Variants in VAV3 observed in about 807,000 individuals in gnomAD.
VAV3 encodes vav guanine nucleotide exchange factor 3.
VAV3 carries 94 observed loss-of-function variants against 131.2 expected under a neutral mutation model. That is an observed-to-expected ratio of 0.72 (90% CI 0.61 to 0.85). VAV3 has a LOEUF of 0.85. VAV3 is among the 40% of genes least tolerant of loss of function. VAV3 has a pLI of 0.00. For synonymous variants in VAV3, 349 were observed against 342.0 expected, an observed-to-expected ratio of 1.02 and a Z score of -0.22; for missense variants, 939 against 1,002.7, an observed-to-expected ratio of 0.94 and a Z score of 0.86.
At chr1:107,826,053 C>T (rs577075713) in intron 2 of VAV3, among the ~76,000 whole-genome samples, 7 of 152,066 alleles carry the variant, frequency 4.6e-5, no homozygotes, top group African/African-American at 7.2e-5. Flanking sequence ...TAATGAAATG[C>T]GGAATCAACA....
At chr1:107,697,354 A>C (rs1004308722) in intron 17 of VAV3, among the ~76,000 whole-genome samples, 4 of 152,216 alleles carry the variant, frequency 2.6e-5, no homozygotes, top group Non-Finnish European at 5.9e-5. Flanking sequence ...CAAAATCTTG[A>C]GCAGGAAAGA....
At chr1:107,889,450 A>T (rs1334540316) in intron 1 of VAV3, among the ~76,000 whole-genome samples, 4 of 152,096 alleles carry the variant, frequency 2.6e-5, no homozygotes, top group Non-Finnish European at 5.9e-5. Flanking sequence ...TTTTTAAAGA[A>T]AGGGACACTA....
Position 107,571,519 on chromosome 1 carries a change from G to A in VAV3, c.*1812C>T, listed in dbSNP as rs181718082. On this transcript the variant is annotated 3_prime_UTR_variant, in exon 27 of 27. Coordinates refer to ENST00000370056, the MANE Select transcript of VAV3 (RefSeq NM_006113.5). The stretch of plus-strand genomic sequence containing the variant: ...ACATGCTACAATACCATCCACAGGA[G>A]TGTTTCTGCTTGTGTGAGGCTGCTC... 2 of 152,610 alleles carry A rather than the reference G, an allele frequency of 1.3e-5. No individual in the cohort carries two copies. The highest frequency in any genetic ancestry group is 2.9e-5 in the Non-Finnish European group (2 of 68,032). The allele number at this position is 152,610 out of a possible 1,614,324, so 9.5% of individuals were successfully genotyped here.
At chr1:107,639,728 G>A (rs1655194564) in intron 20 of VAV3, among the ~76,000 whole-genome samples, 1 of 152,108 alleles carries the variant, frequency 6.6e-6, no homozygotes, top group Non-Finnish European at 1.5e-5. Context: ...AGGGATGCTT[G>A]AGGCCAGGAG....
chr1:107,645,199 T>C lies in VAV3; in HGVS notation c.1778-2444A>G, dbSNP rs562438638. On this transcript the variant is annotated intron_variant, in intron 19 of 26. Transcript: ENST00000370056. The stretch of plus-strand genomic sequence containing the variant: ...AAGAATTATGCTTAAGCCCAGGAAA[T>C]AGCCACTAGGACATTGTCATTAACC... 1.1e-3 allele frequency among the ~76,000 whole-genome samples: 163 copies of C among 152,086 alleles called. 1 individual carries two copies. The South Asian group carries it at 0.033, about 30-fold the overall frequency.
At chr1:107,726,800 A>C (rs1426964079) in intron 15 of VAV3, among the ~76,000 whole-genome samples, 1 of 152,200 alleles carries the variant, frequency 6.6e-6, no homozygotes, top group East Asian at 1.9e-4. Context: ...GATGGAATAA[A>C]GCCTGCTAAT....
intron 1 of VAV3, among the ~76,000 whole-genome samples, chr1:107,881,855 G>A (rs1355161493): frequency 6.6e-6 from 1 of 152,122 alleles, no homozygotes; most frequent in African/African-American, 2.4e-5. Context: ...TTTAATGTTA[G>A]CAATATTGAC....
intron 2 of VAV3, among the ~76,000 whole-genome samples, chr1:107,792,064 T>C (rs910024233): frequency 6.6e-6 from 1 of 152,182 alleles, no homozygotes; most frequent in African/African-American, 2.4e-5. Flanking sequence ...CATTAATCCT[T>C]GGATATCTTG....
chr1:107,843,546 T>C (rs1416576790), intron 2 of VAV3, among the ~76,000 whole-genome samples: 1 of 148,672 alleles, frequency 6.7e-6, no homozygotes, highest in Admixed American at 6.7e-5. Flanking sequence ...TGTATATATA[T>C]ATATTTATAT....
chr1:107,710,148 G>A (rs1660700292), intron 15 of VAV3, among the ~76,000 whole-genome samples: 2 of 152,120 alleles, frequency 1.3e-5, no homozygotes, highest in African/African-American at 2.4e-5. Context: ...GCAAATCCTA[G>A]CAAGATGAAA....
At chr1:107,701,366 T>C (rs1471546351) in intron 17 of VAV3, among the ~76,000 whole-genome samples, 1 of 151,530 alleles carries the variant, frequency 6.6e-6, no homozygotes, top group Non-Finnish European at 1.5e-5. Context: ...GTTGGCCCCT[T>C]TTCGCCATGG....
intron 19 of VAV3, among the ~76,000 whole-genome samples, chr1:107,646,672 T>G (rs1655760835): frequency 6.6e-6 from 1 of 152,048 alleles, no homozygotes; most frequent in Non-Finnish European, 1.5e-5. Flanking sequence ...TTTTGCTCAT[T>G]AACTTTTGCT....
In VAV3 at chr1:107,797,676, C is replaced by G. The variant is rs368938550; in HGVS notation, c.322-18184G>C. ...AGCAGAGATGTAAAAAATCTCAGCT[C>G]TTAAGAAAAATCATGTTATGCCTCA... On this transcript the variant is annotated intron_variant, in intron 2 of 26. Transcript: ENST00000370056. Among the ~76,000 whole-genome samples the G allele has an allele frequency of 2.3e-4, 35 of 152,274 alleles. No homozygotes were observed. The South Asian group carries it at 7.2e-3, about 32-fold the overall frequency.
chr1:107,786,933 T>G (rs1474085803), intron 2 of VAV3, among the ~76,000 whole-genome samples: 2 of 152,148 alleles, frequency 1.3e-5, no homozygotes, highest in Non-Finnish European at 2.9e-5. Context: ...TTTGAGAGTA[T>G]GATGAAAGCT....
intron 1 of VAV3, among the ~76,000 whole-genome samples, chr1:107,959,465 A>G (rs761833884): frequency 1.3e-5 from 2 of 151,958 alleles, no homozygotes; most frequent in Non-Finnish European, 2.9e-5. Context: ...CACCAAGGAA[A>G]CTTATATTGT....
At chr1:107,856,155 G>A (rs1669457944) in intron 2 of VAV3, among the ~76,000 whole-genome samples, 1 of 152,166 alleles carries the variant, frequency 6.6e-6, no homozygotes, top group Non-Finnish European at 1.5e-5. Flanking sequence ...TCAGCAGCAG[G>A]ACTACTCAAA....
chr1:107,713,892 C>T (rs1660934702), intron 15 of VAV3, among the ~76,000 whole-genome samples: 1 of 152,090 alleles, frequency 6.6e-6, no homozygotes, highest in South Asian at 2.1e-4. Context: ...TCAGACATCA[C>T]GTTTTGGCTA....
chr1:107,926,942 A>C (rs915817390), intron 1 of VAV3, among the ~76,000 whole-genome samples: 2 of 152,134 alleles, frequency 1.3e-5, no homozygotes, highest in Non-Finnish European at 2.9e-5. Context: ...GTGGGGGAAC[A>C]CAACCTACTG....
Position 107,965,149 on chromosome 1 carries a change from A to AG in VAV3, c.-281dup, listed in dbSNP as rs1227098389. On this transcript the variant is annotated 5_prime_UTR_variant, in exon 1 of 27. Coordinates refer to ENST00000370056, the MANE Select transcript of VAV3 (RefSeq NM_006113.5). Reference sequence around the variant, plus strand: ...CGGCTCGGCGGCGGCTGCCGCGCACAGGCTTCCGACTCCAGCGCCCGGCCC... The same window carrying AG: ...CGGCTCGGCGGCGGCTGCCGCGCACAGGGCTTCCGACTCCAGCGCCCGGCCC... The AG allele has an allele frequency of 2.0e-5, 3 of 149,350 alleles. No individual in the cohort carries two copies. The highest frequency in any genetic ancestry group is 4.5e-5 in the Non-Finnish European group (3 of 67,114). The allele number at this position is 149,350 out of a possible 1,614,324, so 9.3% of individuals were successfully genotyped here.
Sources: allele counts gnomAD v4.1 joint callset (sites outside exome capture counted in the v4.1 genomes callset), GRCh38; gene constraint gnomAD v4.1.1; transcripts MANE v1.5; gene names NCBI Gene and HGNC (gene_info 2026-07-23, HGNC 2026-07-21).